The following KLF8 variants were observed in gnomAD, a reference collection of about 807,000 sequenced individuals.
KLF8 encodes Krueppel-like factor 8.
A neutral mutation model predicts 18.2 loss-of-function variants in KLF8; 10 were observed. That is an observed-to-expected ratio of 0.55 (90% confidence interval 0.34 to 0.93). The LOEUF (loss-of-function observed/expected upper bound fraction) is 0.93. KLF8 is among the 40% of genes least tolerant of loss of function. The probability of loss-of-function intolerance (pLI) is 0.02; values close to 1 mark genes in which losing one functional copy is unlikely to be tolerated. For missense variants in KLF8, 264 were observed against 277.9 expected (o/e 0.95, Z 0.36); for synonymous variants, 109 against 97.3 (o/e 1.12, Z -0.71).
chrX:56,091,812 T>C, the KLF8 span, among the ~76,000 whole-genome samples: 4 of 112,086 alleles, frequency 3.6e-5, no homozygotes, highest in African/African-American at 6.5e-5. Context: ...TGATTTATTT[T>C]CCCTGGGGTA....
At chrX:55,909,964 G>A in the KLF8 span, among the ~76,000 whole-genome samples, 2 of 112,025 alleles carry the variant, frequency 1.8e-5, no homozygotes, top group African/African-American at 6.5e-5. Context: ...TTTCTGCACA[G>A]GGAGGGTGGC....
chrX:55,966,699 A>G, the KLF8 span, among the ~76,000 whole-genome samples: 7 of 111,503 alleles, frequency 6.3e-5, no homozygotes, highest in Admixed American at 2.9e-4. Flanking sequence ...TAAATACTCA[A>G]CTCTTCAATT....
the KLF8 span, among the ~76,000 whole-genome samples, chrX:56,206,540 C>T: frequency 8.9e-6 from 1 of 112,306 alleles, no homozygotes; most frequent in African/African-American, 3.2e-5. Flanking sequence ...GTTAAAGCTC[C>T]AAAATGATCT....
At chrX:56,007,558 C>T in the KLF8 span, among the ~76,000 whole-genome samples, 2 of 110,881 alleles carry the variant, frequency 1.8e-5, no homozygotes, top group Admixed American at 9.6e-5. Flanking sequence ...CACTACTTTG[C>T]GTCCCTCTCC....
At chrX:55,937,306 T>A in the KLF8 span, among the ~76,000 whole-genome samples, 12 of 112,045 alleles carry the variant, frequency 1.1e-4, no homozygotes, top group Admixed American at 8.5e-4. Context: ...AACCTGCAGC[T>A]GAGGGTCCTG....
At chrX:55,939,816 A>C in the KLF8 span, among the ~76,000 whole-genome samples, 1 of 112,065 alleles carries the variant, frequency 8.9e-6, no homozygotes, top group African/African-American at 3.2e-5. Flanking sequence ...CTCTCCCAAG[A>C]CTAAACCAGG....
the KLF8 span, among the ~76,000 whole-genome samples, chrX:56,008,069 C>G: frequency 9.1e-6 from 1 of 109,347 alleles, no homozygotes; most frequent in Non-Finnish European, 1.9e-5. Flanking sequence ...TGAGATTACT[C>G]TAATAACTAA....
the KLF8 span, among the ~76,000 whole-genome samples, chrX:56,165,143 T>C: frequency 9.1e-6 from 1 of 110,449 alleles, no homozygotes; most frequent in South Asian, 3.9e-4. Context: ...TTATTCACAA[T>C]AGCAAAGACT....
At chrX:56,197,935 T>C in the KLF8 span, among the ~76,000 whole-genome samples, 1 of 112,010 alleles carries the variant, frequency 8.9e-6, no homozygotes, top group South Asian at 3.7e-4. Flanking sequence ...TGGTTCAATA[T>C]ATGCAAATCA....
chrX:55,995,123 T>C, the KLF8 span, among the ~76,000 whole-genome samples: 1 of 112,401 alleles, frequency 8.9e-6, no homozygotes, highest in African/African-American at 3.2e-5. Context: ...TAGTTAGGTC[T>C]TGTTGAATGG....
At chrX:56,131,218 G>T in the KLF8 span, among the ~76,000 whole-genome samples, 2 of 111,780 alleles carry the variant, frequency 1.8e-5, no homozygotes, top group African/African-American at 6.5e-5. Flanking sequence ...ATGAAGAAAA[G>T]AATCTTAAGA....
intron 3 of KLF8, 95 bp from the exon 4 acceptor site, chrX:56,269,283 G>T (rs776507327): frequency 1.9e-6 from 2 of 1,036,444 alleles, no homozygotes; most frequent in Admixed American, 8.8e-5. Context: ...CTGTCTTGCT[G>T]CCACTTCTTA....
the KLF8 span, among the ~76,000 whole-genome samples, chrX:56,052,767 AG>A: frequency 1.8e-5 from 2 of 112,042 alleles, no homozygotes; most frequent in East Asian, 5.7e-4. Context: ...GGAGGCAGGC[AG>A]GCCTCCTTGA....
chrX:56,159,900 C>G, the KLF8 span, among the ~76,000 whole-genome samples: 1 of 111,387 alleles, frequency 9.0e-6, no homozygotes, highest in East Asian at 2.8e-4. Context: ...CAGTTCTGCT[C>G]TGATCTTAGT....
rs2147665420 is a variant in KLF8, at chrX:56,270,270, A to G, written c.847A>G (p.Lys283Glu). 2 of 1,202,850 alleles carry G rather than the reference A, an allele frequency of 1.7e-6. No homozygotes were observed. The highest frequency in any genetic ancestry group is 2.2e-6 in the Non-Finnish European group (2 of 890,919). The stretch of plus-strand genomic sequence containing the variant: ...CCAATGTGACTTTGCAGGATGCAGC[A>G]AAGTGTACACCAAAAGCTCTCACCT... Reference protein sequence around the residue: ...IHQCDFAGCSKVYTKSSHLKA... With the variant: ...IHQCDFAGCSEVYTKSSHLKA... The change falls in exon 5 of 6, where the codon AAA (lysine) becomes GAA (glutamate). Residue 283 changes from lysine to glutamate, a missense_variant. Around this residue, in one of 2 missense-constraint regions of KLF8, gnomAD observed 43 missense variants for 84.3 expected, o/e 0.51. Transcript: ENST00000468660.
chrX:56,267,253 G>C (rs1405411238), intron 3 of KLF8: 1 of 701,775 alleles, frequency 1.4e-6, no homozygotes, highest in Admixed American at 8.8e-5. Context: ...TCATGCTGCT[G>C]ATAAAGACAT....
chrX:55,962,471 GTCACCAAGTAATA>G, the KLF8 span: 1 of 222,870 alleles, frequency 4.5e-6, no homozygotes, highest in African/African-American at 3.0e-5. Flanking sequence ...CTTTCATCAG[GTCACCAAGTAATA>G]TCACTGGTGC....
the KLF8 span, among the ~76,000 whole-genome samples, chrX:56,211,375 A>G: frequency 8.9e-6 from 1 of 112,540 alleles, no homozygotes; most frequent in Non-Finnish European, 1.9e-5. Flanking sequence ...TTTCTCCCAA[A>G]CATACAGAGT....
the KLF8 span, among the ~76,000 whole-genome samples, chrX:55,946,119 G>T: frequency 1.1e-4 from 12 of 111,552 alleles, no homozygotes. Context: ...TTTCTTTACA[G>T]AATTGGAAAA....
Sources: allele counts gnomAD v4.1 joint callset (sites outside exome capture counted in the v4.1 genomes callset), GRCh38; gene constraint gnomAD v4.1.1; regional missense constraint gnomAD v4.1.1; transcripts MANE v1.5; gene names NCBI Gene and HGNC (gene_info 2026-07-23, HGNC 2026-07-21).